MRC1: variants seen among roughly 807,000 people sequenced by gnomAD.
The protein encoded by MRC1 is macrophage mannose receptor 1.
In MRC1, 62 loss-of-function variants were observed where a neutral mutation model predicts 102.9. The observed-to-expected ratio is 0.60, with a 90% CI of 0.49 to 0.74. MRC1 has a LOEUF of 0.74. Among genes scored for constraint, MRC1 ranks in the 30% least tolerant of loss-of-function variants. The pLI is 0.00. For synonymous variants in MRC1, 457 were observed against 298.4 expected, an observed-to-expected ratio of 1.53 and a Z score of -5.48; for missense variants, 1,237 against 862.8, an observed-to-expected ratio of 1.43 and a Z score of -5.43.
At chr10:17,813,352 T>G (rs1838254313) in intron 1 of MRC1, among the ~76,000 whole-genome samples, 1 of 152,228 alleles carries the variant, frequency 6.6e-6, no homozygotes, top group Admixed American at 6.5e-5. Context: ...GATACTCCTC[T>G]ATTTCATTTC....
rs923750762 is a variant in MRC1 at position 17,828,293 on chromosome 10, G to A, written c.637+578G>A. ...GGGTTTCACTGTGTTAGCCAGGATG[G>A]TCTCGATCTGCTAACCTCGTGATCC... On this transcript the variant is annotated intron_variant, in intron 3 of 29. Coordinates refer to ENST00000569591, the MANE Select transcript of MRC1 (RefSeq NM_002438.4). Among the ~76,000 whole-genome samples the A allele has an allele frequency of 1.5e-3, 220 of 151,472 alleles. 11 individuals carry two copies. The highest frequency in any genetic ancestry group is 4.9e-3 in the African/African-American group (198 of 40,794).
chr10:17,840,774 G>C lies in MRC1; in HGVS notation c.884G>C (p.Arg295Pro), dbSNP rs541361748. 1.3e-6 allele frequency: 1 copy of C among 780,726 alleles called. No homozygotes were observed. Among genetic ancestry groups the C allele is most frequent in the East Asian group, 2.4e-5 (1 of 41,268 alleles). The allele number at this position is 780,726 out of a possible 1,614,324, so 48.4% of individuals were successfully genotyped here. ...AACAGCGGTTGGCAGTGGAGTGACC[G>C]CAGTCCTTTCCGATATTTGAACTGG... is the stretch of plus-strand genomic sequence containing the variant. ...SFNSGWQWSD[R>P]SPFRYLNWLP... The change falls in exon 5 of 30, where the codon CGC (arginine) becomes CCC (proline). Residue 295 changes from arginine to proline, a missense_variant. Arg to Pro is a moderately radical substitution (Grantham distance 103). Transcript: ENST00000569591.
intron 3 of MRC1, 104 bp from the exon 4 acceptor site, chr10:17,833,571 A>C: frequency 2.7e-6 from 2 of 743,100 alleles, no homozygotes; most frequent in Non-Finnish European, 4.9e-6. Context: ...GGAAAGAAAG[A>C]AAGTGCTTCA....
intron 9 of MRC1, among the ~76,000 whole-genome samples, chr10:17,857,623 A>C (rs1050805551): frequency 6.6e-6 from 1 of 152,244 alleles, no homozygotes; most frequent in African/African-American, 2.4e-5. Context: ...CTGAAACACA[A>C]AGAGTTTAAA....
intron 21 of MRC1, among the ~76,000 whole-genome samples, chr10:17,882,555 T>TA (rs1356172550): frequency 1.3e-5 from 2 of 152,076 alleles, no homozygotes; most frequent in Non-Finnish European, 1.5e-5. Flanking sequence ...TCAAAAATGA[T>TA]ATGAGAAAGA....
chr10:17,896,915 G>A (rs886630098), intron 23 of MRC1, among the ~76,000 whole-genome samples: 3 of 152,172 alleles, frequency 2.0e-5, no homozygotes, highest in Non-Finnish European at 4.4e-5. Flanking sequence ...AGGATATCTC[G>A]ATCCCTAGAC....
intron 8 of MRC1, among the ~76,000 whole-genome samples, chr10:17,853,803 A>T (rs1476215110): frequency 1.3e-5 from 2 of 152,118 alleles, no homozygotes; most frequent in African/African-American, 4.8e-5. Context: ...GACCTCAGTG[A>T]TTGAAAAATG....
chr10:17,809,742 T>C (rs1478652002), intron 1 of MRC1, among the ~76,000 whole-genome samples: 6 of 152,104 alleles, frequency 3.9e-5, no homozygotes, highest in Admixed American at 2.0e-4. Flanking sequence ...GCGTCTCAGG[T>C]CTCGGTTGCT....
rs1283481893 is a variant in MRC1, at chr10:17,830,646, A to G, written c.637+2931A>G. On this transcript the variant is annotated intron_variant, in intron 3 of 29. Coordinates refer to ENST00000569591, the MANE Select transcript of MRC1 (RefSeq NM_002438.4). ...TCTCTCAGTTCTCTGTAGCAAGTTT[A>G]GCTTCCAGCATCAGTTGTGTTGGTT... Among the ~76,000 whole-genome samples the G allele has an allele frequency of 2.6e-5, 4 of 151,344 alleles. 1 individual carries two copies. Among genetic ancestry groups the G allele is most frequent in the African/African-American group, 9.8e-5 (4 of 40,648 alleles).
Position 17,856,371 on chromosome 10 carries a change from C to T in MRC1, c.1518+19C>T. 2.4e-6 allele frequency: 2 copies of T among 834,014 alleles called. No homozygotes were observed. The highest frequency in any genetic ancestry group is 4.2e-6 in the Non-Finnish European group (2 of 481,506). The allele number at this position is 834,014 out of a possible 1,614,324, so 51.7% of individuals were successfully genotyped here. A position where few individuals can be genotyped will look rare whatever the true frequency, so the allele number is the denominator to read the frequency against. ...CAGGAAAGTGAGTGCACCATGCCCA[C>T]AGTGACTTAAGCTGAGCACGTATGA... On this transcript the variant is annotated intron_variant, in intron 9 of 29. Coordinates refer to ENST00000569591, the MANE Select transcript of MRC1 (RefSeq NM_002438.4).
chr10:17,860,952 G>A (rs1833176153), intron 9 of MRC1, among the ~76,000 whole-genome samples: 3 of 152,174 alleles, frequency 2.0e-5, no homozygotes, highest in Admixed American at 2.0e-4. Context: ...ATTCTTCAGA[G>A]TTGTGTTCTT....
chr10:17,875,017 T>C (rs1268123154), intron 16 of MRC1, 73 bp from the exon 17 acceptor site: 1 of 779,542 alleles, frequency 1.3e-6, no homozygotes, highest in Admixed American at 1.7e-5. Flanking sequence ...CCTTTCACCT[T>C]TGTGTGCTGT....
intron 5 of MRC1, among the ~76,000 whole-genome samples, chr10:17,841,772 A>T (rs1838754964): frequency 6.8e-6 from 1 of 147,798 alleles, no homozygotes; most frequent in Non-Finnish European, 1.5e-5. Flanking sequence ...AAAGAGTGCA[A>T]TTAATGATTA....
At chr10:17,837,638 A>AT (rs1185514873) in intron 4 of MRC1, among the ~76,000 whole-genome samples, 43 of 150,914 alleles carry the variant, frequency 2.8e-4, no homozygotes, top group Middle Eastern at 3.4e-3. Context: ...TATTATTATT[A>AT]TTTTTTTTGA....
Position 17,880,676 on chromosome 10 carries a change from A to G in MRC1, c.2865+6A>G, listed in dbSNP as rs1359283886. On this transcript the variant is annotated splice_donor_region_variant and intron_variant, in intron 20 of 29. Transcript: ENST00000569591. The stretch of plus-strand genomic sequence containing the variant: ...GGAATTTCTACAGCAACAAGGTACT[A>G]GGAAAATTAGTTGCAATCTTGGCAC... The G allele has an allele frequency of 2.6e-6, 2 of 780,866 alleles. No homozygotes were observed. Among genetic ancestry groups the G allele is most frequent in the Non-Finnish European group, 4.8e-6 (2 of 417,952 alleles). 48.4% of individuals were successfully genotyped at this position (780,866 alleles called of 1,614,324 possible). A position where few individuals can be genotyped will look rare whatever the true frequency, so the allele number is the denominator to read the frequency against.
chr10:17,838,348 T>G (rs1838700074), intron 4 of MRC1, among the ~76,000 whole-genome samples: 1 of 152,158 alleles, frequency 6.6e-6, no homozygotes, highest in African/African-American at 2.4e-5. Context: ...CACAGCTGTT[T>G]TATCGTCTTC....
intron 1 of MRC1, among the ~76,000 whole-genome samples, chr10:17,817,908 G>T (rs1554838006): frequency 6.6e-6 from 1 of 152,182 alleles, no homozygotes; most frequent in Non-Finnish European, 1.5e-5. Context: ...CAGACATGTT[G>T]CAGAGATGAT....
intron 28 of MRC1, among the ~76,000 whole-genome samples, chr10:17,908,198 A>G (rs1833921994): frequency 6.6e-6 from 1 of 152,206 alleles, no homozygotes; most frequent in Admixed American, 6.5e-5. Context: ...TCTATCTGGA[A>G]TTTAAAAATA....
At chr10:17,869,930 CA>C (rs1464922773) in intron 12 of MRC1, among the ~76,000 whole-genome samples, 1 of 152,102 alleles carries the variant, frequency 6.6e-6, no homozygotes, top group Non-Finnish European at 1.5e-5. Context: ...TACACTTAAC[CA>C]AATTAATCTT....
Sources: allele counts gnomAD v4.1 joint callset (sites outside exome capture counted in the v4.1 genomes callset), GRCh38; gene constraint gnomAD v4.1.1; transcripts MANE v1.5; gene names NCBI Gene and HGNC (gene_info 2026-07-23, HGNC 2026-07-21).